Variants in ACACA observed in about 807,000 individuals in gnomAD.
ACACA encodes the protein acetyl-CoA carboxylase alpha.
In ACACA, 103 loss-of-function variants were observed where a neutral mutation model predicts 296.1. The observed-to-expected ratio is 0.35, with a 90% CI of 0.30 to 0.41. The LOEUF is 0.41. ACACA is among the 10% of genes least tolerant of loss of function. ACACA has a pLI of 1.00. For missense variants in ACACA, 1,554 were observed against 2,989.7 expected (o/e 0.52, Z 11.20); for synonymous variants, 953 against 1,038.6 (o/e 0.92, Z 1.58).
At chr17:37,235,725 AGCTAAGCAAT>A (rs2080079098) in intron 24 of ACACA, among the ~76,000 whole-genome samples, 1 of 152,322 alleles carries the variant, frequency 6.6e-6, no homozygotes, top group East Asian at 1.9e-4. Context: ...TCCTTGAAAC[AGCTAAGCAAT>A]GCCTAGGAAC....
At chr17:37,174,020 A>ATATTTTT (rs552735515) in intron 41 of ACACA, among the ~76,000 whole-genome samples, 5 of 16,790 alleles carry the variant, frequency 3.0e-4, no homozygotes, top group African/African-American at 1.3e-3. Flanking sequence ...ATATATATAT[A>ATATTTTT]TTTTTTTTTT....
chr17:37,305,892 GTTTTTTTTTTTGT>G (rs2083853476), intron 3 of ACACA, among the ~76,000 whole-genome samples: 2 of 128,720 alleles, frequency 1.6e-5, no homozygotes, highest in Non-Finnish European at 3.3e-5. Flanking sequence ...AATTTTAGCA[GTTTTTTTTTTTGT>G]TTTTTTTTTT....
chr17:37,229,423 C>T (rs1467390108), intron 25 of ACACA, among the ~76,000 whole-genome samples: 1 of 151,726 alleles, frequency 6.6e-6, no homozygotes, highest in Non-Finnish European at 1.5e-5. Context: ...CCTGCCTCAG[C>T]CTCCCGAGTA....
intron 47 of ACACA, among the ~76,000 whole-genome samples, chr17:37,127,233 T>C (rs1386954357): frequency 2.6e-5 from 4 of 152,252 alleles, no homozygotes; most frequent in African/African-American, 9.6e-5. Context: ...AAACCAAATT[T>C]CTAGGTTCAT....
intron 41 of ACACA, among the ~76,000 whole-genome samples, chr17:37,165,525 CTT>C (rs1012654890): frequency 5.3e-5 from 8 of 152,020 alleles, no homozygotes; most frequent in African/African-American, 1.9e-4. Context: ...ACGTAAAAAA[CTT>C]TGTCTTTCTC....
chr17:37,256,791 T>G (rs2081247437), intron 14 of ACACA, among the ~76,000 whole-genome samples: 2 of 152,176 alleles, frequency 1.3e-5, no homozygotes, highest in Admixed American at 6.5e-5. Flanking sequence ...AAGTGTTTAT[T>G]AATACAAACA....
chr17:37,264,884 G>A (rs1018900144), intron 10 of ACACA, among the ~76,000 whole-genome samples: 5 of 152,200 alleles, frequency 3.3e-5, no homozygotes, highest in Admixed American at 3.3e-4. Flanking sequence ...CATCTGGGCA[G>A]TTCTTCTTCT....
intron 41 of ACACA, among the ~76,000 whole-genome samples, chr17:37,174,020 A>ATATATTT (rs552735515): frequency 3.0e-4 from 5 of 16,794 alleles, no homozygotes; most frequent in Admixed American, 1.3e-3. Context: ...ATATATATAT[A>ATATATTT]TTTTTTTTTT....
chr17:37,113,300 T>G lies in ACACA; in HGVS notation c.6275-35A>C, dbSNP rs763505023. Reference sequence around the variant, plus strand: ...ATGAGACAAATTAGAAATCAAGAAATTTCTCTTCCTCAAAGCAGTACTTTT... The same window carrying G: ...ATGAGACAAATTAGAAATCAAGAAAGTTCTCTTCCTCAAAGCAGTACTTTT... On this transcript the variant is annotated intron_variant, in intron 50 of 55. Transcript: ENST00000616317. This position sits in a 1 kb window ranked among gnomAD's most constrained non-coding sequence, Gnocchi z 4.0. 2 of 1,605,824 alleles carry G rather than the reference T, an allele frequency of 1.2e-6. No individual in the cohort carries two copies. The highest frequency in any genetic ancestry group is 2.7e-5 in the African/African-American group (2 of 74,704).
chr17:37,346,031 T>C (rs534913219), intron 1 of ACACA, among the ~76,000 whole-genome samples: 4 of 152,156 alleles, frequency 2.6e-5, no homozygotes, highest in South Asian at 4.2e-4. Context: ...TGAGCTATAA[T>C]GGAGCCCCTG....
intron 1 of ACACA, among the ~76,000 whole-genome samples, chr17:37,358,801 C>T (rs1880052557): frequency 6.6e-6 from 1 of 152,216 alleles, no homozygotes; most frequent in African/African-American, 2.4e-5. Flanking sequence ...CTCTCCATGT[C>T]TCTAGGGAGG....
intron 51 of ACACA, among the ~76,000 whole-genome samples, 156 bp downstream of exon 51, chr17:37,112,932 A>G (rs1402824362): frequency 6.6e-6 from 1 of 152,148 alleles, no homozygotes; most frequent in African/African-American, 2.4e-5. Flanking sequence ...CTGAAATGCT[A>G]GAGTGAGGAC....
intron 52 of ACACA, among the ~76,000 whole-genome samples, chr17:37,105,851 C>T (rs1216066102): frequency 4.5e-5 from 6 of 134,800 alleles, no homozygotes; most frequent in South Asian, 2.3e-4. Context: ...GCAACAAGAG[C>T]GAAACTCTGT....
At chr17:37,340,401 T>C (rs1319345480) in intron 1 of ACACA, among the ~76,000 whole-genome samples, 1 of 152,210 alleles carries the variant, frequency 6.6e-6, no homozygotes, top group African/African-American at 2.4e-5. Flanking sequence ...GTAGAAATTC[T>C]CAACTCTGAT....
chr17:37,137,470 A>C (rs991475095), intron 45 of ACACA, among the ~76,000 whole-genome samples: 3 of 152,202 alleles, frequency 2.0e-5, no homozygotes, highest in Admixed American at 6.5e-5. Context: ...TTTCAGCTCC[A>C]TGAAAGCAGG....
At chr17:37,246,385 T>C (rs993308499) in intron 19 of ACACA, among the ~76,000 whole-genome samples, 4 of 152,178 alleles carry the variant, frequency 2.6e-5, no homozygotes, top group Admixed American at 2.6e-4. Context: ...CCAACTGATG[T>C]TTCTTTTTCA....
chr17:37,247,959 A>T (rs2080798053), intron 18 of ACACA, 52 bp downstream of exon 18: 2 of 1,610,422 alleles, frequency 1.2e-6, no homozygotes, highest in East Asian at 4.5e-5. Flanking sequence ...GTAGCTAATA[A>T]GAGAAAAGGC....
intron 14 of ACACA, among the ~76,000 whole-genome samples, chr17:37,256,807 A>C (rs530451899): frequency 6.6e-6 from 1 of 152,190 alleles, no homozygotes; most frequent in Non-Finnish European, 1.5e-5. Flanking sequence ...AAACAACCAT[A>C]TATTAGGATT....
intron 41 of ACACA, among the ~76,000 whole-genome samples, chr17:37,163,459 C>T (rs190380416): frequency 3.9e-5 from 6 of 152,264 alleles, no homozygotes; most frequent in African/African-American, 1.4e-4. Context: ...TTTATAGCAA[C>T]ACAAATGGAC....
Sources: gnomAD v4.1 joint callset for allele counts (sites outside exome capture counted in the v4.1 genomes callset) on GRCh38, gnomAD v4.1.1 for gene constraint, Gnocchi (gnomAD v3.1) non-coding constraint, MANE v1.5 for transcripts, NCBI Gene and HGNC (gene_info 2026-07-23, HGNC 2026-07-21) for gene names.